Variants in USP35 observed in about 807,000 individuals in gnomAD.
USP35 encodes ubiquitin carboxyl-terminal hydrolase 35.
Under a neutral mutation model 83.8 loss-of-function variants are expected in USP35, and 69 were observed. The ratio of observed to expected loss-of-function variants is 0.82; its 90% confidence interval spans 0.68 to 1.01. The LOEUF is 1.01. Among genes scored for constraint, USP35 ranks in the 50% least tolerant of loss-of-function variants. The pLI is 0.00. For synonymous variants in USP35, 714 were observed against 589.5 expected (o/e 1.21, Z -3.06); for missense variants, 1,503 against 1,362.5 (o/e 1.10, Z -1.62).
Position 78,214,023 on chromosome 11 carries a change from A to G in USP35, c.*210A>G, listed in dbSNP as rs1350163296. On this transcript the variant is annotated 3_prime_UTR_variant, in exon 11 of 11. Transcript: ENST00000529308. ...GGGATCAGTCCCATTAAAACTTTAC[A>G]CCCAAGTGTCCTGGTTAACTTGAAG... 2.1e-5 allele frequency: 11 copies of G among 513,036 alleles called. No individual in the cohort carries two copies. The highest frequency in any genetic ancestry group is 4.5e-5 in the Admixed American group (1 of 22,254). 31.8% of individuals were successfully genotyped at this position (513,036 alleles called of 1,614,324 possible).
At chr11:78,224,975 G>T in the USP35 span, 1 of 640,982 alleles carries the variant, frequency 1.6e-6, no homozygotes. Flanking sequence ...GTTCTGAACT[G>T]AGACAAGAAC....
At chr11:78,233,469 G>A in the USP35 span, among the ~76,000 whole-genome samples, 3 of 151,888 alleles carry the variant, frequency 2.0e-5, no homozygotes, top group Non-Finnish European at 4.4e-5. Flanking sequence ...TTTTGTTGAA[G>A]AATCTATTCA....
At chr11:78,216,056 A>C (rs912140544), downstream of USP35, 3 of 152,648 alleles carry the variant, frequency 2.0e-5, no homozygotes, top group Non-Finnish European at 4.4e-5. Flanking sequence ...GCCCACCCCA[A>C]TCCCCCAGAA....
At chr11:78,231,505 G>A in the USP35 span, among the ~76,000 whole-genome samples, 1 of 152,074 alleles carries the variant, frequency 6.6e-6, no homozygotes, top group East Asian at 1.9e-4. Flanking sequence ...GCGTACCACT[G>A]CACCTGGCTA....
At chr11:78,233,971 T>A in the USP35 span, among the ~76,000 whole-genome samples, 1 of 152,232 alleles carries the variant, frequency 6.6e-6, no homozygotes, top group African/African-American at 2.4e-5. Context: ...AAAGACTACT[T>A]CACCAAAAAC....
At chr11:78,203,087 C>T (rs1023834112) in intron 6 of USP35, among the ~76,000 whole-genome samples, 2 of 152,092 alleles carry the variant, frequency 1.3e-5, no homozygotes, top group East Asian at 1.9e-4. Context: ...CATGGATTGT[C>T]TGATCAGGGG....
chr11:78,198,140 C>A, intron 3 of USP35, 72 bp downstream of exon 3: 1 of 1,596,012 alleles, frequency 6.3e-7, no homozygotes, highest in South Asian at 1.1e-5. Context: ...GCCCCTTCTC[C>A]TGGGTGGGCC....
intron 8 of USP35, 87 bp from the exon 9 acceptor site, chr11:78,208,770 A>G: frequency 6.3e-6 from 9 of 1,420,608 alleles, no homozygotes; most frequent in Non-Finnish European, 8.9e-6. Flanking sequence ...CGAGGGAATG[A>G]GGTAGACCCT....
In USP35 at chr11:78,200,827, C is replaced by CT; in HGVS notation, c.1197+21dup. 6.3e-7 allele frequency: 1 copy of CT among 1,584,858 alleles called. No homozygotes were observed. Among genetic ancestry groups the CT allele is most frequent in the Non-Finnish European group, 8.6e-7 (1 of 1,160,740 alleles). On this transcript the variant is annotated intron_variant, in intron 6 of 10. Transcript: ENST00000529308. ...CATCAAGGTGAGCGACAGTCCCCTA[C>CT]TTGGGCCTTGCCCCACTCTGACAAA...
chr11:78,233,229 G>A, the USP35 span, among the ~76,000 whole-genome samples: 360 of 152,170 alleles, frequency 2.4e-3, no homozygotes, highest in Middle Eastern at 6.8e-3. Context: ...GAGATGGGGT[G>A]TCGCCATGTT....
rs1438812188 is a variant in USP35, at chr11:78,214,551, CCTG to C, written c.*739_*741del. On this transcript the variant is annotated 3_prime_UTR_variant, in exon 11 of 11. Coordinates refer to ENST00000529308, the MANE Select transcript of USP35 (RefSeq NM_020798.4). Reference sequence around the variant, plus strand: ...TTGTGAAGTGTGGGCTCTTAGGAAGCCTGTGGGCTCCTCTGAGCAGTTGGCCTT... The same window carrying C: ...TTGTGAAGTGTGGGCTCTTAGGAAGCTGGGCTCCTCTGAGCAGTTGGCCTT... 7 of 150,608 alleles carry C rather than the reference CCTG, an allele frequency of 4.6e-5. No homozygotes were observed. Among genetic ancestry groups the C allele is most frequent in the African/African-American group, 1.5e-4 (6 of 40,360 alleles). 9.3% of individuals were successfully genotyped at this position (150,608 alleles called of 1,614,324 possible). A position where few individuals can be genotyped will look rare whatever the true frequency, so the allele number is the denominator to read the frequency against.
chr11:78,226,921 G>A, the USP35 span: 3 of 1,613,978 alleles, frequency 1.9e-6, no homozygotes, highest in South Asian at 3.3e-5. Flanking sequence ...GGCTTGGGAA[G>A]GCTATAGAAG....
the USP35 span, among the ~76,000 whole-genome samples, chr11:78,229,959 C>T: frequency 1.1e-4 from 16 of 152,332 alleles, no homozygotes; most frequent in East Asian, 3.1e-3. Flanking sequence ...TTAACTTAAT[C>T]ACTTGCTTAA....
At chr11:78,207,405 C>T (rs550670765) in intron 7 of USP35, 125 bp from the exon 8 acceptor site, 20 of 905,178 alleles carry the variant, frequency 2.2e-5, no homozygotes, top group African/African-American at 1.7e-4. Context: ...CTTCTGGCTC[C>T]GTCTTGGGGC....
downstream of USP35, chr11:78,215,975 G>A (rs1196036225): frequency 6.6e-6 from 1 of 152,626 alleles, no homozygotes; most frequent in Non-Finnish European, 1.5e-5. Flanking sequence ...CACAGGAATG[G>A]GGCATACTTT....
At chr11:78,221,754 G>T in the USP35 span, 1 of 1,613,430 alleles carries the variant, frequency 6.2e-7, no homozygotes, top group Non-Finnish European at 8.5e-7. Context: ...CGGCAGTACT[G>T]GGAGGAGCTG....
the USP35 span, among the ~76,000 whole-genome samples, chr11:78,225,404 T>G: frequency 6.6e-6 from 1 of 152,256 alleles, no homozygotes; most frequent in African/African-American, 2.4e-5. Context: ...GCTCCAGTGT[T>G]AGCATCTGCA....
intron 6 of USP35, among the ~76,000 whole-genome samples, chr11:78,202,914 C>G (rs1048388729): frequency 6.6e-5 from 10 of 152,192 alleles, no homozygotes; most frequent in African/African-American, 2.4e-4. Context: ...TCCTTTTGAT[C>G]TTTGTGCCTA....
At chr11:78,227,184 G>A in the USP35 span, 1 of 649,132 alleles carries the variant, frequency 1.5e-6, no homozygotes. Context: ...ATATTTTGAA[G>A]GTTGTTCAGA....
Sources: allele counts gnomAD v4.1 joint callset (sites outside exome capture counted in the v4.1 genomes callset), GRCh38; gene constraint gnomAD v4.1.1; transcripts MANE v1.5; gene names NCBI Gene and HGNC (gene_info 2026-07-23, HGNC 2026-07-21).